AUTS2: variants seen among roughly 807,000 people sequenced by gnomAD.
AUTS2 encodes the protein autism susceptibility gene 2 protein.
AUTS2 carries 17 observed loss-of-function variants against 112.4 expected under a neutral mutation model. The observed-to-expected ratio is 0.15, with a 90% CI of 0.10 to 0.23. The LOEUF (loss-of-function observed/expected upper bound fraction) is 0.23, where lower values mean the gene tolerates loss of function less well. Among genes scored for constraint, AUTS2 ranks in the 10% least tolerant of loss-of-function variants. The pLI, the probability that AUTS2 is intolerant of heterozygous loss-of-function variation, is 1.00. For synonymous variants in AUTS2, 751 were observed against 702.7 expected (o/e 1.07, Z -1.09); for missense variants, 1,510 against 1,701.6 (o/e 0.89, Z 1.98).
intron 1 of AUTS2, among the ~76,000 whole-genome samples, chr7:69,670,689 TA>T: frequency 6.6e-6 from 1 of 150,408 alleles, no homozygotes; most frequent in South Asian, 2.1e-4. Context: ...CCAATCTGGG[TA>T]ACATAATCAG....
chr7:70,472,907 C>G (rs1000214201), intron 5 of AUTS2, among the ~76,000 whole-genome samples: 1 of 152,148 alleles, frequency 6.6e-6, no homozygotes, highest in African/African-American at 2.4e-5. Context: ...ATTTCTATCA[C>G]CAGAAGTATG....
In AUTS2 at chr7:70,763,159, C is replaced by A. The variant is rs1167816569; in HGVS notation, c.1032C>A (p.Gly344=). The change falls in exon 7 of 19, where the codon GGC becomes GGA. Residue 344 remains glycine, a synonymous_variant. Transcript: ENST00000342771. Reference sequence around the variant, plus strand: ...CTCTGAGTACACAGCCACCACAGGGCCCTCCTGAGGCCCAGCTCCAGCCTG... The same window carrying A: ...CTCTGAGTACACAGCCACCACAGGGACCTCCTGAGGCCCAGCTCCAGCCTG... ...PPPLSTQPPQ[G]PPEAQLQPAP... 1.2e-6 allele frequency: 2 copies of A among 1,613,840 alleles called. No homozygotes were observed. The highest frequency in any genetic ancestry group is 2.7e-5 in the African/African-American group (2 of 74,914).
intron 4 of AUTS2, among the ~76,000 whole-genome samples, chr7:70,269,334 G>C (rs1375506599): frequency 6.6e-6 from 1 of 152,094 alleles, no homozygotes; most frequent in Non-Finnish European, 1.5e-5. Flanking sequence ...TGTCATGCAG[G>C]TTTCCCAGTA....
chr7:70,665,697 A>G (rs898907583), intron 5 of AUTS2, among the ~76,000 whole-genome samples: 1 of 152,170 alleles, frequency 6.6e-6, no homozygotes, highest in Non-Finnish European at 1.5e-5. Context: ...AAATGCATGG[A>G]TTTTAGATGT....
intron 2 of AUTS2, among the ~76,000 whole-genome samples, chr7:70,048,329 C>T (rs1324304632): frequency 1.3e-5 from 2 of 152,166 alleles, no homozygotes; most frequent in African/African-American, 4.8e-5. Flanking sequence ...CCTCTTTGTC[C>T]CCTTAACAAG....
chr7:70,043,588 C>T (rs549483525), intron 2 of AUTS2, among the ~76,000 whole-genome samples: 2 of 99,772 alleles, frequency 2.0e-5, no homozygotes. Context: ...TTCCTTCCTT[C>T]CTTCCTTCCT....
rs1805202631 is a variant in AUTS2, at chr7:70,630,512, C to A, written c.691-68057C>A. 2.6e-5 allele frequency among the ~76,000 whole-genome samples: 4 copies of A among 152,206 alleles called. 1 individual carries two copies. In the South Asian group the frequency reaches 8.3e-4, roughly 32 times the overall value. On this transcript the variant is annotated intron_variant, in intron 5 of 18. Coordinates refer to ENST00000342771, the MANE Select transcript of AUTS2 (RefSeq NM_015570.4). ...CAGGCAGTGGGTACAGCCCAGGACA[C>A]CCTTAGTGAACTTGCCACTGCCCCT...
intron 4 of AUTS2, among the ~76,000 whole-genome samples, chr7:70,426,453 G>A (rs887418075): frequency 2.6e-5 from 4 of 151,996 alleles, no homozygotes; most frequent in Non-Finnish European, 5.9e-5. Context: ...CATTATGAAC[G>A]CAATCTTTCT....
chr7:69,925,417 C>T (rs1249704033), intron 2 of AUTS2, among the ~76,000 whole-genome samples: 1 of 152,104 alleles, frequency 6.6e-6, no homozygotes, highest in African/African-American at 2.4e-5. Context: ...TTAGCAGCAC[C>T]CCAAATATTC....
At chr7:69,992,190 A>G (rs1332159295) in intron 2 of AUTS2, among the ~76,000 whole-genome samples, 1 of 152,206 alleles carries the variant, frequency 6.6e-6, no homozygotes. Flanking sequence ...TTAGCCTAGG[A>G]ACCATATAAC....
intron 5 of AUTS2, among the ~76,000 whole-genome samples, chr7:70,678,816 T>G (rs189664784): frequency 8.2e-4 from 125 of 152,272 alleles, no homozygotes; most frequent in African/African-American, 2.9e-3. Context: ...CTAGCTGAGC[T>G]TAGTCATCAC....
rs567369354 is a variant in AUTS2 at position 70,730,247 on chromosome 7, T to TGTTG, written c.742+31631_742+31634dup. ...TTTTTTTGTTTTTTGTTTGTTTGTTTGTTGGTTTTTTAGTTAGACTTCACA... is the reference window on the plus strand; with the variant it reads ...TTTTTTTGTTTTTTGTTTGTTTGTTTGTTGGTTGGTTTTTTAGTTAGACTTCACA... On this transcript the variant is annotated intron_variant, in intron 6 of 18. Coordinates refer to ENST00000342771, the MANE Select transcript of AUTS2 (RefSeq NM_015570.4). Among the ~76,000 whole-genome samples, 1,476 of 152,060 alleles carry TGTTG rather than the reference T, an allele frequency of 9.7e-3. 15 individuals carry two copies. Among genetic ancestry groups the TGTTG allele is most frequent in the African/African-American group, 0.021 (890 of 41,496 alleles).
In AUTS2 at chr7:69,690,414, C is replaced by T. The variant is rs1211615150; in HGVS notation, c.309+90452C>T. Among the ~76,000 whole-genome samples, 12 of 152,322 alleles carry T rather than the reference C, an allele frequency of 7.9e-5. No homozygotes were observed. In the South Asian group the frequency reaches 2.3e-3, roughly 29 times the overall value. On this transcript the variant is annotated intron_variant, in intron 1 of 18. Transcript: ENST00000342771. ...TTTGCTCCGGCCTGCTGGGCTTGTT[C>T]CACCCACTCAGCTGGGCAGGCTGTG...
intron 4 of AUTS2, among the ~76,000 whole-genome samples, chr7:70,196,392 G>A (rs1214570577): frequency 2.6e-5 from 4 of 152,152 alleles, no homozygotes; most frequent in Non-Finnish European, 5.9e-5. Flanking sequence ...AAGCTATACC[G>A]AATAAAATAG....
chr7:70,438,794 G>A (rs1436151074), intron 5 of AUTS2, among the ~76,000 whole-genome samples: 1 of 152,174 alleles, frequency 6.6e-6, no homozygotes, highest in African/African-American at 2.4e-5. Flanking sequence ...ATTCGAATCT[G>A]AATTGCTAAT....
At chr7:70,101,132 C>T (rs1375441392) in intron 2 of AUTS2, among the ~76,000 whole-genome samples, 1 of 152,104 alleles carries the variant, frequency 6.6e-6, no homozygotes. Context: ...CCAGCCTCGG[C>T]CTCCCAAAGT....
At chr7:70,630,042 C>T (rs1206564701) in intron 5 of AUTS2, among the ~76,000 whole-genome samples, 1 of 152,210 alleles carries the variant, frequency 6.6e-6, no homozygotes, top group Non-Finnish European at 1.5e-5. Flanking sequence ...ATTCCTGCCC[C>T]CATCCAGGCA....
At chr7:69,799,519 G>A (rs1584263184) in intron 1 of AUTS2, among the ~76,000 whole-genome samples, 1 of 152,196 alleles carries the variant, frequency 6.6e-6, no homozygotes, top group Non-Finnish European at 1.5e-5. Context: ...GTCATTCATG[G>A]GTTCATGAGC....
chr7:69,913,900 G>GCTAT (rs1415506397), intron 2 of AUTS2, among the ~76,000 whole-genome samples: 2 of 152,052 alleles, frequency 1.3e-5, no homozygotes, highest in Non-Finnish European at 2.9e-5. Context: ...GACACCTTAT[G>GCTAT]CTATCCTCTT....
Sources: gnomAD v4.1 joint callset for allele counts (sites outside exome capture counted in the v4.1 genomes callset) on GRCh38, gnomAD v4.1.1 for gene constraint, MANE v1.5 for transcripts, NCBI Gene and HGNC (gene_info 2026-07-23, HGNC 2026-07-21) for gene names.